Variants in KIAA1549L observed in about 807,000 individuals in gnomAD.
KIAA1549L encodes KIAA1549 like, also known as UPF0606 protein KIAA1549L.
A neutral mutation model predicts 160.7 loss-of-function variants in KIAA1549L; 88 were observed. The observed-to-expected ratio is 0.55, with a 90% CI of 0.46 to 0.65. The LOEUF (loss-of-function observed/expected upper bound fraction) is 0.65. Among genes scored for constraint, KIAA1549L ranks in the 30% least tolerant of loss-of-function variants. The pLI is 0.00. For missense variants in KIAA1549L, 2,258 were observed against 2,437.5 expected, an observed-to-expected ratio of 0.93 and a Z score of 1.55; for synonymous variants, 950 against 976.7, an observed-to-expected ratio of 0.97 and a Z score of 0.51.
chr11:33,641,572 GTATATA>G (rs10523183), intron 16 of KIAA1549L, among the ~76,000 whole-genome samples: 35 of 96,722 alleles, frequency 3.6e-4, no homozygotes, highest in South Asian at 8.7e-4. Context: ...TAATGGATCT[GTATATA>G]TATATATATA....
rs140770320 is a variant in KIAA1549L at position 33,457,350 on chromosome 11, G to C, written c.238+80461G>C. ...GGGGATGTGGTCAAAGATAGGAGAA[G>C]TTCTGGCATCTGTTGAATGGTTTTG... is the stretch of plus-strand genomic sequence containing the variant. On this transcript the variant is annotated intron_variant, in intron 1 of 20. Coordinates refer to ENST00000658780, the MANE Select transcript of KIAA1549L (RefSeq NM_012194.3). Among the ~76,000 whole-genome samples the C allele has an allele frequency of 6.4e-3, 974 of 152,324 alleles. 5 individuals are homozygous for C. The highest frequency in any genetic ancestry group is 0.01 in the Non-Finnish European group (695 of 68,030).
rs765649744 is a variant in KIAA1549L, at chr11:33,543,784, A to G, written c.2221A>G (p.Thr741Ala). Residue 741 changes from threonine (T) to alanine (A), a missense_variant, in exon 2 of 21, where the codon ACA becomes GCA. Around this residue, in one of 6 missense-constraint regions of KIAA1549L, gnomAD observed 287 missense variants for 292.3 expected, o/e 0.98. Coordinates refer to ENST00000658780, the MANE Select transcript of KIAA1549L (RefSeq NM_012194.3). ...AAGTTGGGAAACTCATTTAGCTCCA[A>G]CAGCTCCTCCCAATGGTTTAACTTC... ...TTSWETHLAP[T>A]APPNGLTSAA... The G allele has an allele frequency of 6.2e-6, 10 of 1,614,060 alleles. No homozygotes were observed. The highest frequency in any genetic ancestry group is 5.0e-5 in the Admixed American group (3 of 60,020).
chr11:33,529,871 A>T (rs987506873), intron 1 of KIAA1549L, among the ~76,000 whole-genome samples: 3 of 152,202 alleles, frequency 2.0e-5, no homozygotes, highest in Non-Finnish European at 4.4e-5. Context: ...GAACAATGAC[A>T]TGTTAATTAG....
rs543131204 is a variant in KIAA1549L at position 33,527,900 on chromosome 11, A to T, written c.239-13902A>T. On this transcript the variant is annotated intron_variant, in intron 1 of 20. Coordinates refer to ENST00000658780, the MANE Select transcript of KIAA1549L (RefSeq NM_012194.3). ...TTGAATTGTAGCTCCTATAATTCCTATGTGTCATGGGAGGAACCTGCTGAG... is the reference window on the plus strand; with the variant it reads ...TTGAATTGTAGCTCCTATAATTCCTTTGTGTCATGGGAGGAACCTGCTGAG... Among the ~76,000 whole-genome samples the T allele has an allele frequency of 6.2e-4, 95 of 152,300 alleles. 1 individual carries two copies. The highest frequency in any genetic ancestry group is 3.4e-3 in the Middle Eastern group (1 of 294).
At chr11:33,646,096 CAGG>C in intron 17 of KIAA1549L, 60 bp downstream of exon 17, 1 of 1,294,272 alleles carries the variant, frequency 7.7e-7, no homozygotes, top group Non-Finnish European at 1.1e-6. Context: ...TGAGTTCCAA[CAGG>C]AGACTCAGAG....
chr11:33,588,781 A>G (rs180904435), intron 11 of KIAA1549L, among the ~76,000 whole-genome samples: 61 of 152,308 alleles, frequency 4.0e-4, no homozygotes, highest in African/African-American at 1.3e-3. Flanking sequence ...CTGGCCTCAG[A>G]ATGTCACTGA....
chr11:33,613,967 C>T (rs1850713636), intron 15 of KIAA1549L, among the ~76,000 whole-genome samples: 1 of 152,192 alleles, frequency 6.6e-6, no homozygotes, highest in African/African-American at 2.4e-5. Flanking sequence ...TCAGCTCTCC[C>T]TGAGCCTGTC....
chr11:33,637,617 A>G (rs1409913361), intron 16 of KIAA1549L, among the ~76,000 whole-genome samples: 1 of 152,222 alleles, frequency 6.6e-6, no homozygotes, highest in Non-Finnish European at 1.5e-5. Flanking sequence ...CAAGTTCTAG[A>G]TCAAAGTGTT....
Position 33,668,344 on chromosome 11 carries a change from A to G in KIAA1549L, c.*190A>G, listed in dbSNP as rs986662890. ...AACGACTAGATTCTTGGCTCATCCA[A>G]CTGATTGTGGGTCAAGTCCCTGGCT... On this transcript the variant is annotated 3_prime_UTR_variant, in exon 21 of 21. Transcript: ENST00000658780. 1 of 618,848 alleles carries G rather than the reference A, an allele frequency of 1.6e-6. No individual in the cohort carries two copies. The highest frequency in any genetic ancestry group is 2.8e-6 in the Non-Finnish European group (1 of 357,092). The allele number at this position is 618,848 out of a possible 1,614,324, so 38.3% of individuals were successfully genotyped here.
At chr11:33,590,748 C>T (rs1326605460) in intron 11 of KIAA1549L, among the ~76,000 whole-genome samples, 1 of 152,204 alleles carries the variant, frequency 6.6e-6, no homozygotes, top group Admixed American at 6.5e-5. Context: ...AGATTATCTT[C>T]AGTTCTCAGA....
At chr11:33,440,792 C>T (rs76043349) in intron 1 of KIAA1549L, among the ~76,000 whole-genome samples, 2,164 of 152,312 alleles carry the variant, frequency 0.014, 45 homozygotes, top group African/African-American at 0.05. Context: ...TTAGTGAGGG[C>T]ATGCTAGTTA....
At chr11:33,592,719 A>G (rs1269468978) in intron 12 of KIAA1549L, among the ~76,000 whole-genome samples, 1 of 152,234 alleles carries the variant, frequency 6.6e-6, no homozygotes, top group Non-Finnish European at 1.5e-5. Context: ...GGTGGTGATG[A>G]GTACAAAGAA....
At chr11:33,652,642 G>A (rs35703898) in intron 17 of KIAA1549L, among the ~76,000 whole-genome samples, 2,081 of 152,300 alleles carry the variant, frequency 0.014, 26 homozygotes, top group Non-Finnish European at 0.021. Flanking sequence ...TGTCTCCTCC[G>A]CTGAATAGCA....
chr11:33,443,874 A>G lies in KIAA1549L; in HGVS notation c.238+66985A>G, dbSNP rs188207541. On this transcript the variant is annotated intron_variant, in intron 1 of 20. Transcript: ENST00000658780. ...GTTTATGATAGGACTCATTTCCTCA[A>G]TTTCTTAAATGAGGAAATGGAGCTG... Among the ~76,000 whole-genome samples the G allele has an allele frequency of 2.0e-5, 3 of 152,298 alleles. No individual in the cohort carries two copies. The East Asian group carries it at 5.8e-4, about 29-fold the overall frequency.
intron 1 of KIAA1549L, among the ~76,000 whole-genome samples, chr11:33,530,620 CT>C (rs1175231276): frequency 2.6e-5 from 4 of 151,516 alleles, no homozygotes; most frequent in Non-Finnish European, 4.4e-5. Context: ...AAGAACCCCC[CT>C]AAGTCCCATT....
chr11:33,406,315 T>C (rs2134077411), intron 1 of KIAA1549L, among the ~76,000 whole-genome samples: 1 of 152,320 alleles, frequency 6.6e-6, no homozygotes, highest in Admixed American at 6.5e-5. Flanking sequence ...TTTGCTTGGC[T>C]GGCTTGCAGG....
At chr11:33,576,356 G>A (rs1855447120) in intron 10 of KIAA1549L, among the ~76,000 whole-genome samples, 1 of 152,172 alleles carries the variant, frequency 6.6e-6, no homozygotes, top group African/African-American at 2.4e-5. Context: ...TAGGAATGAC[G>A]ATGGTCACTC....
Position 33,667,875 on chromosome 11 carries a change from G to A in KIAA1549L, c.6162G>A (p.Val2054=), listed in dbSNP as rs762122255. 4.4e-6 allele frequency: 7 copies of A among 1,608,424 alleles called. No homozygotes were observed. Among genetic ancestry groups the A allele is most frequent in the Non-Finnish European group, 2.5e-6 (3 of 1,176,672 alleles). The change falls in exon 21 of 21, where the codon GTG becomes GTA. Residue 2054 remains valine (V), a splice_region_variant and synonymous_variant. Transcript: ENST00000658780. ...NELPSQWADS[V]PLPGYIEAYP... ...TTCTCTCCCCACGCCCTCTGCAGGT[G>A]CCCCTCCCAGGGTACATCGAGGCCT...
chr11:33,477,503 GCA>G (rs1554981511), intron 1 of KIAA1549L, among the ~76,000 whole-genome samples: 22 of 142,876 alleles, frequency 1.5e-4, no homozygotes, highest in South Asian at 1.4e-3. Context: ...CCACGCAGGT[GCA>G]CGCACACACA....
Sources: allele counts gnomAD v4.1 joint callset (sites outside exome capture counted in the v4.1 genomes callset), GRCh38; gene constraint gnomAD v4.1.1; regional missense constraint gnomAD v4.1.1; transcripts MANE v1.5; gene names NCBI Gene and HGNC (gene_info 2026-07-23, HGNC 2026-07-21).